The following PILRA variants were observed in gnomAD, a reference collection of about 807,000 sequenced individuals.
PILRA encodes the protein paired immunoglobin like type 2 receptor alpha.
In PILRA, 37 loss-of-function variants were observed where a neutral mutation model predicts 33.1. The ratio of observed to expected loss-of-function variants is 1.12; its 90% CI spans 0.86 to 1.47. The LOEUF (loss-of-function observed/expected upper bound fraction) is 1.47. PILRA is among the 40% of genes most tolerant of loss of function. PILRA has a pLI of 0.00. For synonymous variants in PILRA, 146 were observed against 149.9 expected (o/e 0.97, Z 0.19); for missense variants, 312 against 376.2 (o/e 0.83, Z 1.41).
In PILRA at chr7:100,374,396, G is replaced by A. The variant is rs1273056477; in HGVS notation, c.417G>A (p.Trp139Ter). The A allele has an allele frequency of 6.2e-6, 10 of 1,613,966 alleles. No individual in the cohort carries two copies. Among genetic ancestry groups the A allele is most frequent in the African/African-American group, 1.3e-5 (1 of 74,882 alleles). ...CACGGAGCTCAGGGAGGCAGCAGTG[G>A]CAGTCCATCGAGGGGACCAAACTCT... Reference protein sequence around the residue: ...LDTRSSGRQQWQSIEGTKLSI... With the variant: ...LDTRSSGRQQ Residue 139 changes from tryptophan to a stop codon, truncating the protein, a stop_gained, in exon 2 of 7, where the codon TGG becomes TGA. Coordinates refer to ENST00000198536, the MANE Select transcript of PILRA (RefSeq NM_013439.3). LOFTEE classifies it high-confidence loss of function.
chr7:100,399,254 C>G, intron 4 of PILRA, 37 bp from the exon 5 acceptor site: 1 of 1,544,430 alleles, frequency 6.5e-7, no homozygotes, highest in East Asian at 2.2e-5. Flanking sequence ...AAATGCCCAA[C>G]CTCTAACATA....
intron 2 of PILRA, among the ~76,000 whole-genome samples, chr7:100,383,902 G>A (rs1791188156): frequency 6.6e-6 from 1 of 152,166 alleles, no homozygotes; most frequent in Admixed American, 6.5e-5. Flanking sequence ...CTCCCAAAGT[G>A]CTGGGATTAC....
chr7:100,391,188 ATT>A (rs1563121249), intron 3 of PILRA, among the ~76,000 whole-genome samples: 402 of 136,032 alleles, frequency 3.0e-3, no homozygotes, highest in African/African-American at 9.7e-3. Context: ...AATAATAATT[ATT>A]ATTATTATTA....
At chr7:100,375,346 A>G (rs906108187) in intron 2 of PILRA, among the ~76,000 whole-genome samples, 1 of 152,224 alleles carries the variant, frequency 6.6e-6, no homozygotes, top group Non-Finnish European at 1.5e-5. Flanking sequence ...AGGAACTGCT[A>G]TTCTCTTCAG....
chr7:100,383,519 G>C (rs982150293), intron 2 of PILRA, among the ~76,000 whole-genome samples: 5 of 152,186 alleles, frequency 3.3e-5, no homozygotes, highest in Admixed American at 6.5e-5. Flanking sequence ...GTGGAAGGAG[G>C]CGGGGAAGAT....
intron 4 of PILRA, among the ~76,000 whole-genome samples, chr7:100,398,904 C>G (rs1274229222): frequency 1.3e-5 from 2 of 151,972 alleles, no homozygotes; most frequent in Non-Finnish European, 2.9e-5. Context: ...CCAAAGAGAA[C>G]CAACCCCTAA....
At chr7:100,371,373 C>G (rs965183434), upstream of PILRA, among the ~76,000 whole-genome samples, 3 of 152,158 alleles carry the variant, frequency 2.0e-5, no homozygotes, top group African/African-American at 4.8e-5. Context: ...ATTCTAGGTC[C>G]TTTGAATTAC....
At chr7:100,385,759 A>T (rs1791238562) in intron 2 of PILRA, among the ~76,000 whole-genome samples, 1 of 151,926 alleles carries the variant, frequency 6.6e-6, no homozygotes, top group South Asian at 2.1e-4. Flanking sequence ...CCTCCCAAGC[A>T]GCTGGGATTA....
chr7:100,383,675 C>A (rs1455289449), intron 2 of PILRA, among the ~76,000 whole-genome samples: 1 of 150,740 alleles, frequency 6.6e-6, no homozygotes, highest in Non-Finnish European at 1.5e-5. Context: ...CTCGCTCTGT[C>A]GCCCAGGCTG....
intron 4 of PILRA, 32 bp downstream of exon 4, chr7:100,397,944 G>A: frequency 6.2e-7 from 1 of 1,611,190 alleles, no homozygotes; most frequent in South Asian, 1.1e-5. Flanking sequence ...GGTGGGTTGG[G>A]GGGTGCATGT....
At chr7:100,394,895 C>CA (rs1241289279) in intron 3 of PILRA, among the ~76,000 whole-genome samples, 1 of 152,168 alleles carries the variant, frequency 6.6e-6, no homozygotes, top group African/African-American at 2.4e-5. Context: ...AGCCTCATGA[C>CA]ACTGGGTTTG....
chr7:100,376,765 T>C (rs904425230), intron 2 of PILRA, among the ~76,000 whole-genome samples: 1 of 130,884 alleles, frequency 7.6e-6, no homozygotes, highest in Admixed American at 7.4e-5. Flanking sequence ...CTCTGCCTTT[T>C]TTTTTTTTTT....
intron 5 of PILRA, 27 bp downstream of exon 5, chr7:100,399,367 A>T: frequency 6.3e-7 from 1 of 1,590,302 alleles, no homozygotes; most frequent in Non-Finnish European, 8.6e-7. Flanking sequence ...ATCCTTCCCC[A>T]GTTTCTACCC....
rs374803305 is a variant in PILRA at position 100,399,953 on chromosome 7, T to C, written c.*46T>C. On this transcript the variant is annotated 3_prime_UTR_variant, in exon 7 of 7. Coordinates refer to ENST00000198536, the MANE Select transcript of PILRA (RefSeq NM_013439.3). ...GACTGAATGGTGAGGCCAGGTACAG[T>C]GGCGCACACCTGTAATCCCAGCTAC... is the stretch of plus-strand genomic sequence containing the variant. 9 of 1,533,728 alleles carry C rather than the reference T, an allele frequency of 5.9e-6. No individual in the cohort carries two copies. Among genetic ancestry groups the C allele is most frequent in the African/African-American group, 1.4e-5 (1 of 72,440 alleles).
intron 4 of PILRA, among the ~76,000 whole-genome samples, chr7:100,398,202 G>T (rs998498818): frequency 2.6e-5 from 4 of 152,124 alleles, no homozygotes; most frequent in African/African-American, 9.7e-5. Flanking sequence ...TGCCTTTCCT[G>T]GTGTTATTAA....
chr7:100,399,731 TG>T (rs1791613672), intron 6 of PILRA, 53 bp from the exon 7 acceptor site: 1 of 1,612,040 alleles, frequency 6.2e-7, no homozygotes, highest in South Asian at 1.1e-5. Context: ...GCCGCTAAGA[TG>T]GGAACAGCTC....
rs1352228769 is a variant in PILRA at position 100,389,727 on chromosome 7, G to A, written c.455-161G>A. Among the ~76,000 whole-genome samples, 3 of 152,126 alleles carry A rather than the reference G, an allele frequency of 2.0e-5. No individual in the cohort carries two copies. The East Asian group carries it at 5.8e-4, about 29-fold the overall frequency. ...ATGAACTGAGTCGTCTGCATTGAAAGCTGTTAACATTTCACCCTGTTCCCC... is the reference window on the plus strand; with the variant it reads ...ATGAACTGAGTCGTCTGCATTGAAAACTGTTAACATTTCACCCTGTTCCCC... On this transcript the variant is annotated intron_variant, in intron 2 of 6. Coordinates refer to ENST00000198536, the MANE Select transcript of PILRA (RefSeq NM_013439.3).
intron 2 of PILRA, among the ~76,000 whole-genome samples, chr7:100,385,353 T>A (rs1383638622): frequency 6.6e-6 from 1 of 152,168 alleles, no homozygotes; most frequent in African/African-American, 2.4e-5. Flanking sequence ...TGATTGTACT[T>A]GGAAAAAGTG....
At chr7:100,389,202 T>C (rs897406125) in intron 2 of PILRA, among the ~76,000 whole-genome samples, 1 of 152,212 alleles carries the variant, frequency 6.6e-6, no homozygotes, top group African/African-American at 2.4e-5. Flanking sequence ...TTAACATTTT[T>C]GGGAAGTAAC....
Sources: gnomAD v4.1 joint callset for allele counts (sites outside exome capture counted in the v4.1 genomes callset) on GRCh38, gnomAD v4.1.1 for gene constraint, MANE v1.5 for transcripts, NCBI Gene and HGNC (gene_info 2026-07-23, HGNC 2026-07-21) for gene names.